The following TGFBR3 variants were observed in gnomAD, a reference collection of about 807,000 sequenced individuals.
TGFBR3 encodes transforming growth factor beta receptor 3, also known as transforming growth factor beta receptor type 3.
In TGFBR3, 46 loss-of-function variants were observed where a neutral mutation model predicts 87.9. The observed-to-expected ratio is 0.52, with a 90% CI of 0.41 to 0.67. The LOEUF is 0.67. TGFBR3 is among the 30% of genes least tolerant of loss of function. The probability of loss-of-function intolerance (pLI) is 0.00; values close to 1 mark genes in which losing one functional copy is unlikely to be tolerated. For synonymous variants in TGFBR3, 381 were observed against 391.6 expected (o/e 0.97, Z 0.32); for missense variants, 866 against 1,041.9 (o/e 0.83, Z 2.32).
At chr1:91,859,655 G>A (rs1307223262) in intron 2 of TGFBR3, among the ~76,000 whole-genome samples, 1 of 152,194 alleles carries the variant, frequency 6.6e-6, no homozygotes, top group East Asian at 1.9e-4. Flanking sequence ...GCCAGGGGAA[G>A]TGGCTCACGC....
At chr1:91,735,333 T>C (rs1004260796) in intron 4 of TGFBR3, among the ~76,000 whole-genome samples, 1 of 152,202 alleles carries the variant, frequency 6.6e-6, no homozygotes, top group Non-Finnish European at 1.5e-5. Flanking sequence ...CGTGGGCTTA[T>C]AAAAAGCTTC....
At chr1:91,819,772 T>C (rs1676378647) in intron 2 of TGFBR3, among the ~76,000 whole-genome samples, 1 of 152,202 alleles carries the variant, frequency 6.6e-6, no homozygotes, top group African/African-American at 2.4e-5. Flanking sequence ...ATGCCCACTC[T>C]GCTTCTCTGC....
intron 3 of TGFBR3, among the ~76,000 whole-genome samples, chr1:91,773,149 C>A (rs924849047): frequency 7.9e-5 from 12 of 152,024 alleles, no homozygotes; most frequent in African/African-American, 2.7e-4. Flanking sequence ...GAGGCTGAGG[C>A]GGACAGATCA....
intron 16 of TGFBR3, 49 bp from the exon 17 acceptor site, chr1:91,683,906 TA>T: frequency 2.0e-6 from 3 of 1,469,994 alleles, no homozygotes; most frequent in Non-Finnish European, 2.8e-6. Context: ...GCATATTATG[TA>T]TGTGCATTCC....
chr1:91,776,280 T>A (rs1029657564), intron 3 of TGFBR3, among the ~76,000 whole-genome samples: 3 of 152,178 alleles, frequency 2.0e-5, no homozygotes, highest in Non-Finnish European at 4.4e-5. Flanking sequence ...TTCTCAAGGG[T>A]AGGGGGTCAG....
At chr1:91,794,957 C>A (rs1467407729) in intron 3 of TGFBR3, among the ~76,000 whole-genome samples, 1 of 152,184 alleles carries the variant, frequency 6.6e-6, no homozygotes, top group Non-Finnish European at 1.5e-5. Context: ...TGCATAGCTG[C>A]GGGAATGTTC....
At chr1:91,891,513 A>C (rs527728898) in intron 2 of TGFBR3, among the ~76,000 whole-genome samples, 2 of 152,184 alleles carry the variant, frequency 1.3e-5, no homozygotes, top group African/African-American at 2.4e-5. Context: ...AAAAAAAAAA[A>C]AACTCGATTC....
At chr1:91,863,084 T>A (rs1204481603) in intron 1 of TGFBR3, among the ~76,000 whole-genome samples, 2 of 152,302 alleles carry the variant, frequency 1.3e-5, no homozygotes, top group African/African-American at 4.8e-5. Flanking sequence ...GGAAATAGGG[T>A]GACTGCAGGA....
At chr1:91,724,027 A>G (rs891396764) in intron 7 of TGFBR3, among the ~76,000 whole-genome samples, 11 of 152,234 alleles carry the variant, frequency 7.2e-5, no homozygotes, top group African/African-American at 2.2e-4. Context: ...CTCATTCAGT[A>G]TATTTTTCTA....
chr1:91,850,249 T>C lies in TGFBR3; in HGVS notation c.61+11222A>G, dbSNP rs138696509. On this transcript the variant is annotated intron_variant, in intron 2 of 16. Transcript: ENST00000212355. Reference sequence around the variant, plus strand: ...AGACTACAAGTCTTCATCTAAAACATAGTAGTTATTTAAAAGTATAAAGAA... The same window carrying C: ...AGACTACAAGTCTTCATCTAAAACACAGTAGTTATTTAAAAGTATAAAGAA... Among the ~76,000 whole-genome samples, 210 of 152,238 alleles carry C rather than the reference T, an allele frequency of 1.4e-3. 1 individual carries two copies. Among genetic ancestry groups the C allele is most frequent in the Admixed American group, 3.7e-3 (56 of 15,288 alleles).
intron 4 of TGFBR3, among the ~76,000 whole-genome samples, chr1:91,747,851 T>C (rs747243171): frequency 6.6e-5 from 10 of 152,238 alleles, no homozygotes; most frequent in Non-Finnish European, 1.2e-4. Flanking sequence ...CGGCTTCCGC[T>C]CATGCCTGAG....
In TGFBR3 at chr1:91,682,409, T is replaced by TC. The variant is rs1360821473; in HGVS notation, c.*1329_*1330insG. 5.3e-5 allele frequency: 22 copies of TC among 412,310 alleles called. No individual in the cohort carries two copies. The highest frequency in any genetic ancestry group is 4.7e-4 in the African/African-American group (22 of 46,764). The allele number at this position is 412,310 out of a possible 1,614,324, so 25.5% of individuals were successfully genotyped here. A position where few individuals can be genotyped will look rare whatever the true frequency, so the allele number is the denominator to read the frequency against. On this transcript the variant is annotated 3_prime_UTR_variant, in exon 17 of 17. Transcript: ENST00000212355. ...GATAATTCCCCCCTGGCATTCTTTTTTTTTTTTTTTTTTTTTAACAAGGAG... is the reference window on the plus strand; with the variant it reads ...GATAATTCCCCCCTGGCATTCTTTTTCTTTTTTTTTTTTTTTTAACAAGGAG...
chr1:91,776,482 C>T (rs1214186833), intron 3 of TGFBR3, among the ~76,000 whole-genome samples: 2 of 152,216 alleles, frequency 1.3e-5, no homozygotes, highest in Non-Finnish European at 2.9e-5. Flanking sequence ...TATTTCCCAG[C>T]TCATGACCTT....
intron 14 of TGFBR3, among the ~76,000 whole-genome samples, chr1:91,705,803 C>T (rs1671782614): frequency 6.6e-6 from 1 of 152,198 alleles, no homozygotes; most frequent in Admixed American, 6.5e-5. Context: ...CACCCACATG[C>T]TTCTCAACTA....
At chr1:91,886,257 C>T (rs1187957210), upstream of TGFBR3, 2 of 437,054 alleles carry the variant, frequency 4.6e-6, no homozygotes, top group South Asian at 1.6e-5. Context: ...GGCGCTCCTC[C>T]GCCGGCCCCA....
rs562798081 is a variant in TGFBR3, at chr1:91,847,832, C to T, written c.61+13639G>A. On this transcript the variant is annotated intron_variant, in intron 2 of 16. Transcript: ENST00000212355. Reference sequence around the variant, plus strand: ...CCACAGGTTCCGGGACCAATGACCCCGCCCTCAGTGACCCAACACGAATCT... The same window carrying T: ...CCACAGGTTCCGGGACCAATGACCCTGCCCTCAGTGACCCAACACGAATCT... 8.5e-5 allele frequency among the ~76,000 whole-genome samples: 13 copies of T among 152,202 alleles called. No individual in the cohort carries two copies. The South Asian group carries it at 1.5e-3, about 17-fold the overall frequency.
At chr1:91,876,440 C>T (rs1678811757) in intron 1 of TGFBR3, among the ~76,000 whole-genome samples, 2 of 152,160 alleles carry the variant, frequency 1.3e-5, no homozygotes, top group Admixed American at 1.3e-4. Context: ...TATATTCACC[C>T]ACACATCATC....
intron 1 of TGFBR3, among the ~76,000 whole-genome samples, chr1:91,874,215 T>C (rs1221974241): frequency 2.6e-5 from 4 of 152,166 alleles, no homozygotes; most frequent in African/African-American, 9.7e-5. Context: ...TTTGGTTTGG[T>C]TTGTCTGTTT....
intron 2 of TGFBR3, among the ~76,000 whole-genome samples, chr1:91,802,524 C>A (rs1160653512): frequency 6.6e-6 from 1 of 151,978 alleles, no homozygotes; most frequent in Non-Finnish European, 1.5e-5. Context: ...TCACACCCAG[C>A]TAATTTTTGT....
Sources: gnomAD v4.1 joint callset for allele counts (sites outside exome capture counted in the v4.1 genomes callset) on GRCh38, gnomAD v4.1.1 for gene constraint, MANE v1.5 for transcripts, NCBI Gene and HGNC (gene_info 2026-07-23, HGNC 2026-07-21) for gene names.